RELN: variants seen among roughly 807,000 people sequenced by gnomAD.
RELN encodes the protein reelin.
In RELN, 108 loss-of-function variants were observed where a neutral mutation model predicts 427.6. The ratio of observed to expected loss-of-function variants is 0.25; its 90% CI spans 0.22 to 0.30. RELN has a LOEUF of 0.30. RELN is among the 10% of genes least tolerant of loss of function. RELN has a pLI of 1.00. For synonymous variants in RELN, 1,524 were observed against 1,513.4 expected, an observed-to-expected ratio of 1.01 and a Z score of -0.16; for missense variants, 3,715 against 4,302.8, an observed-to-expected ratio of 0.86 and a Z score of 3.82.
At chr7:103,918,121 G>A (rs146174538) in intron 1 of RELN, among the ~76,000 whole-genome samples, 4 of 151,960 alleles carry the variant, frequency 2.6e-5, no homozygotes, top group South Asian at 2.1e-4. Flanking sequence ...CAGAAAATCC[G>A]GTGAACAGAG....
intron 2 of RELN, among the ~76,000 whole-genome samples, chr7:103,882,453 C>T (rs1794628148): frequency 6.6e-6 from 1 of 152,026 alleles, no homozygotes; most frequent in Non-Finnish European, 1.5e-5. Context: ...AATTTGGGTC[C>T]GTAAATTTTT....
In RELN at chr7:103,495,771, G is replaced by C. The variant is rs150387973; in HGVS notation, c.9321C>G (p.Leu3107=). ...GCTGTATAATGAGTTCTCGGGAGGA[G>C]AGAGCATTGTGAGTCTTGTCCTTCT... ...NKKKDKTHNA[L]SSRELIIQPG... is the part of the protein sequence containing the mutation. Residue 3107 remains leucine, a synonymous_variant, in exon 57 of 65, where the codon CTC becomes CTG. Coordinates refer to ENST00000428762, the MANE Select transcript of RELN (RefSeq NM_005045.4). The C allele has an allele frequency of 6.2e-7, 1 of 1,614,054 alleles. No homozygotes were observed. The highest frequency in any genetic ancestry group is 8.5e-7 in the Non-Finnish European group (1 of 1,179,984).
At chr7:103,702,313 G>A (rs1010810831) in intron 8 of RELN, among the ~76,000 whole-genome samples, 1 of 152,176 alleles carries the variant, frequency 6.6e-6, no homozygotes, top group Non-Finnish European at 1.5e-5. Context: ...GATTTAGAAG[G>A]AAAGTTCAAA....
In RELN at chr7:103,872,068, ATTTT is replaced by A. The variant is rs1329334785; in HGVS notation, c.338-38400_338-38397del. On this transcript the variant is annotated intron_variant, in intron 2 of 64. Coordinates refer to ENST00000428762, the MANE Select transcript of RELN (RefSeq NM_005045.4). The stretch of plus-strand genomic sequence containing the variant: ...CTTTTTTTTCTTTTTTTATTTATTT[ATTTT>A]TTTATTATACTTTAAGTTTTAGGGT... 9.9e-5 allele frequency among the ~76,000 whole-genome samples: 12 copies of A among 120,878 alleles called. No homozygotes were observed. In the East Asian group the frequency reaches 2.5e-3, roughly 25 times the overall value. 79.3% of individuals were successfully genotyped at this position (120,878 alleles called of 152,430 possible).
At chr7:103,975,592 G>C (rs1327367610) in intron 1 of RELN, among the ~76,000 whole-genome samples, 1 of 151,240 alleles carries the variant, frequency 6.6e-6, no homozygotes, top group Non-Finnish European at 1.5e-5. Flanking sequence ...CTGTCGCCCA[G>C]GCTGGAGTAG....
Position 103,636,368 on chromosome 7 carries a change from G to A in RELN, c.2170C>T (p.His724Tyr). ...GCACCACGGATAGAGTAAAAGTTATGGTAAGAGGAGAGCCTGGAACTGCCA... is the reference window on the plus strand; with the variant it reads ...GCACCACGGATAGAGTAAAAGTTATAGTAAGAGGAGAGCCTGGAACTGCCA... ...SFGSSRLSSY[H>Y]NFYSIRGAEV... Residue 724 changes from histidine to tyrosine, a missense_variant, in exon 18 of 65, where the codon CAT becomes TAT. Physicochemically the swap from His to Tyr is moderately conservative, Grantham distance 83. Transcript: ENST00000428762. 6.2e-7 allele frequency: 1 copy of A among 1,613,818 alleles called. No individual in the cohort carries two copies. Among genetic ancestry groups the A allele is most frequent in the South Asian group, 1.1e-5 (1 of 91,066 alleles).
intron 2 of RELN, among the ~76,000 whole-genome samples, chr7:103,866,935 TC>T (rs2116512235): frequency 6.6e-6 from 1 of 152,210 alleles, no homozygotes; most frequent in African/African-American, 2.4e-5. Flanking sequence ...AGACAAGCAA[TC>T]ATTAGCTATC....
chr7:103,475,852 G>A (rs1828014023), intron 64 of RELN, among the ~76,000 whole-genome samples: 1 of 152,012 alleles, frequency 6.6e-6, no homozygotes, highest in Non-Finnish European at 1.5e-5. Context: ...CCAATTTAGG[G>A]GACATTTTGA....
chr7:103,726,491 C>A (rs958852957), intron 7 of RELN, among the ~76,000 whole-genome samples: 2 of 152,010 alleles, frequency 1.3e-5, no homozygotes, highest in Non-Finnish European at 2.9e-5. Flanking sequence ...AAACACAATT[C>A]AAAATTAGCC....
At chr7:103,942,429 G>A (rs1796134387) in intron 1 of RELN, among the ~76,000 whole-genome samples, 1 of 152,150 alleles carries the variant, frequency 6.6e-6, no homozygotes. Flanking sequence ...TTAGCATAAT[G>A]AGAGAGACAT....
chr7:103,502,611 G>A (rs1232721770), intron 52 of RELN, among the ~76,000 whole-genome samples: 1 of 152,164 alleles, frequency 6.6e-6, no homozygotes. Context: ...TGATGAGTTA[G>A]GATTTGCTCC....
At chr7:103,472,980 G>T in intron 64 of RELN, 72 bp from the exon 65 acceptor site, 1 of 1,204,434 alleles carries the variant, frequency 8.3e-7, no homozygotes, top group Non-Finnish European at 1.2e-6. Flanking sequence ...CATTGAACGT[G>T]CAATCTATTC....
chr7:103,896,988 G>T (rs1794975426), intron 2 of RELN, among the ~76,000 whole-genome samples: 1 of 152,220 alleles, frequency 6.6e-6, no homozygotes, highest in Middle Eastern at 3.4e-3. Flanking sequence ...AGAAGGTGAA[G>T]GAGGAGCAAA....
At chr7:103,945,499 T>C (rs1796202495) in intron 1 of RELN, among the ~76,000 whole-genome samples, 1 of 151,976 alleles carries the variant, frequency 6.6e-6, no homozygotes, top group African/African-American at 2.4e-5. Context: ...TCATGTATGG[T>C]CCCCCTCCCT....
In RELN at chr7:103,515,262, T is replaced by C; in HGVS notation, c.8042A>G (p.Gln2681Arg). The change falls in exon 50 of 65, where the codon CAG becomes CGG. Residue 2681 changes from glutamine to arginine, a missense_variant. Physicochemically the swap from Gln to Arg is conservative, Grantham distance 43 (BLOSUM62 1). Transcript: ENST00000428762. ...GGCATCTGCAGGGGAGCGCTCATGCTGGGGTACTGGGGCGCTGCTGAAGGT... is the reference window on the plus strand; with the variant it reads ...GGCATCTGCAGGGGAGCGCTCATGCCGGGGTACTGGGGCGCTGCTGAAGGT... The part of the protein sequence containing the change: ...LDTFSSAPVP[Q>R]HERSPADAGP... 1 of 1,614,140 alleles carries C rather than the reference T, an allele frequency of 6.2e-7. No individual in the cohort carries two copies. Among genetic ancestry groups the C allele is most frequent in the Non-Finnish European group, 8.5e-7 (1 of 1,179,988 alleles).
chr7:103,978,316 TGATA>T (rs1796923531), intron 1 of RELN, among the ~76,000 whole-genome samples: 1 of 152,106 alleles, frequency 6.6e-6, no homozygotes, highest in South Asian at 2.1e-4. Flanking sequence ...TGAAATCATG[TGATA>T]TTTGTCTTTC....
chr7:103,639,688 C>A (rs1403647378), intron 17 of RELN, among the ~76,000 whole-genome samples: 1 of 152,092 alleles, frequency 6.6e-6, no homozygotes, highest in African/African-American at 2.4e-5. Flanking sequence ...CATGAGCCAC[C>A]ATGCCCAGCC....
At chr7:103,535,636 A>G in intron 45 of RELN, 152 bp from the exon 46 acceptor site, 1 of 717,658 alleles carries the variant, frequency 1.4e-6, no homozygotes, top group Middle Eastern at 3.7e-4. Context: ...AATGCTTCCT[A>G]GTTTAATTTT....
intron 8 of RELN, among the ~76,000 whole-genome samples, chr7:103,720,483 GAACATTT>G (rs1790048479): frequency 6.6e-6 from 1 of 152,030 alleles, no homozygotes; most frequent in African/African-American, 2.4e-5. Flanking sequence ...GTTATACAGT[GAACATTT>G]AACATTTAAT....
Sources: allele counts gnomAD v4.1 joint callset (sites outside exome capture counted in the v4.1 genomes callset), GRCh38; gene constraint gnomAD v4.1.1; transcripts MANE v1.5; gene names NCBI Gene and HGNC (gene_info 2026-07-23, HGNC 2026-07-21).